Variants in KCNQ4 observed in about 807,000 individuals in gnomAD.
The protein encoded by KCNQ4 is potassium voltage-gated channel subfamily Q member 4, also known as potassium voltage-gated channel subfamily KQT member 4.
A neutral mutation model predicts 72.6 loss-of-function variants in KCNQ4; 31 were observed. That is an observed-to-expected ratio of 0.43 (90% CI 0.32 to 0.58). KCNQ4 has a LOEUF of 0.58. KCNQ4 is among the 20% of genes least tolerant of loss of function. KCNQ4 has a pLI of 0.08. For missense variants in KCNQ4, 869 were observed against 962.6 expected (o/e 0.90, Z 1.29); for synonymous variants, 405 against 403.7 (o/e 1.00, Z -0.04).
Position 40,822,338 on chromosome 1 carries a change from G to A in KCNQ4, c.1066G>A (p.Asp356Asn), listed in dbSNP as rs1347035442. 17 of 1,537,100 alleles carry A rather than the reference G, an allele frequency of 1.1e-5. No homozygotes were observed. Among genetic ancestry groups the A allele is most frequent in the Middle Eastern group, 1.8e-4 (1 of 5,710 alleles). The part of the protein sequence containing the change: ...IQAAWRLYST[D>N]MSRAYLTATW... Reference sequence around the variant, plus strand: ...GGCTGCCTGGCGCCTGTACTCCACCGATATGAGCCGGGCCTACCTGACAGC... The same window carrying A: ...GGCTGCCTGGCGCCTGTACTCCACCAATATGAGCCGGGCCTACCTGACAGC... Residue 356 changes from aspartate to asparagine, a missense_variant, in exon 8 of 14, where the codon GAT (aspartate) becomes AAT (asparagine). By Grantham distance (23) the Asp-to-Asn change is conservative (BLOSUM62 1). This residue lies in a region of KCNQ4 where 480 missense variants were observed against 501.9 expected (regional missense o/e 0.96). Coordinates refer to ENST00000347132, the MANE Select transcript of KCNQ4 (RefSeq NM_004700.4).
chr1:40,812,746 G>A (rs1373802711), intron 1 of KCNQ4, among the ~76,000 whole-genome samples: 1 of 152,226 alleles, frequency 6.6e-6, no homozygotes, highest in Non-Finnish European at 1.5e-5. Context: ...ACATGGGGCA[G>A]CCAGAGGAGT....
At chr1:40,795,255 CTTT>C (rs10632610) in intron 1 of KCNQ4, among the ~76,000 whole-genome samples, 2 of 128,496 alleles carry the variant, frequency 1.6e-5, no homozygotes, top group Admixed American at 8.4e-5. Flanking sequence ...GTGGTTTTAC[CTTT>C]TTTTTTTTTT....
intron 9 of KCNQ4, 49 bp from the exon 10 acceptor site, chr1:40,831,035 C>A: frequency 1.3e-6 from 2 of 1,512,928 alleles, no homozygotes; most frequent in Non-Finnish European, 1.8e-6. Flanking sequence ...TCACCCCCAC[C>A]CCCAGCTCTG....
At chr1:40,806,202 G>C (rs1647756456) in intron 1 of KCNQ4, among the ~76,000 whole-genome samples, 1 of 152,232 alleles carries the variant, frequency 6.6e-6, no homozygotes, top group South Asian at 2.1e-4. Context: ...TCTGCACGGA[G>C]CTGCTCAGTG....
intron 1 of KCNQ4, among the ~76,000 whole-genome samples, chr1:40,787,375 AAGAG>A (rs1160986082): frequency 6.6e-6 from 1 of 152,180 alleles, no homozygotes; most frequent in African/African-American, 2.4e-5. Context: ...TCAATTAAAA[AAGAG>A]AGAGAAAGAG....
chr1:40,787,436 C>T (rs947750813), intron 1 of KCNQ4, among the ~76,000 whole-genome samples: 2 of 152,136 alleles, frequency 1.3e-5, no homozygotes, highest in African/African-American at 4.8e-5. Context: ...CGCATTCGCC[C>T]TAGGGTATGC....
chr1:40,812,007 G>A (rs1473923666), intron 1 of KCNQ4, among the ~76,000 whole-genome samples: 2 of 152,166 alleles, frequency 1.3e-5, no homozygotes, highest in African/African-American at 2.4e-5. Context: ...TGAGACCCCA[G>A]CTAAGGGGCT....
intron 1 of KCNQ4, among the ~76,000 whole-genome samples, chr1:40,803,928 G>A (rs1049235143): frequency 6.6e-6 from 1 of 152,322 alleles, no homozygotes; most frequent in Admixed American, 6.5e-5. Flanking sequence ...CTTGGCACCT[G>A]AGCTCCCCAG....
intron 5 of KCNQ4, 100 bp downstream of exon 5, chr1:40,819,572 G>A (rs1173066810): frequency 1.3e-6 from 2 of 1,487,138 alleles, no homozygotes; most frequent in Admixed American, 1.7e-5. Flanking sequence ...GGTTGAGCGG[G>A]CCTGCCCCTG....
intron 7 of KCNQ4, among the ~76,000 whole-genome samples, chr1:40,820,952 G>A (rs116374096): frequency 0.01 from 1,528 of 152,260 alleles, 14 homozygotes; most frequent in Non-Finnish European, 0.014. Flanking sequence ...ATGCTTCAGG[G>A]AATACTGGCC....
At position 40,838,565 on chromosome 1, in the gene KCNQ4, G is replaced by A. The variant is rs376247055; in HGVS notation, c.*42G>A. On this transcript the variant is annotated 3_prime_UTR_variant, in exon 14 of 14. Coordinates refer to ENST00000347132, the MANE Select transcript of KCNQ4 (RefSeq NM_004700.4). ...AGGGCAGCACACGGCCAGCCCCGCG[G>A]CCTGGCGCTCCGACTGCCCTCTGAG... is the stretch of plus-strand genomic sequence containing the variant. The A allele has an allele frequency of 2.5e-6, 4 of 1,587,638 alleles. No individual in the cohort carries two copies. Among genetic ancestry groups the A allele is most frequent in the African/African-American group, 2.7e-5 (2 of 74,396 alleles).
Position 40,822,380 on chromosome 1 carries a change from G to T in KCNQ4, c.1108G>T (p.Asp370Tyr). Reference sequence around the variant, plus strand: ...CCTGACAGCCACCTGGTACTACTATGACAGTATCCTCCCATCCTTCAGGTA... The same window carrying T: ...CCTGACAGCCACCTGGTACTACTATTACAGTATCCTCCCATCCTTCAGGTA... ...AYLTATWYYYDSILPSFRELA... is the reference protein window; with the variant it reads ...AYLTATWYYYYSILPSFRELA... Residue 370 changes from aspartate (D) to tyrosine (Y), a missense_variant, in exon 8 of 14, where the codon GAC becomes TAC. Coordinates refer to ENST00000347132, the MANE Select transcript of KCNQ4 (RefSeq NM_004700.4). The T allele has an allele frequency of 7.4e-7, 1 of 1,352,096 alleles. No individual in the cohort carries two copies. The highest frequency in any genetic ancestry group is 9.9e-7 in the Non-Finnish European group (1 of 1,014,412). The allele number at this position is 1,352,096 out of a possible 1,614,324, so 83.8% of individuals were successfully genotyped here. A position where few individuals can be genotyped will look rare whatever the true frequency, so the allele number is the denominator to read the frequency against.
chr1:40,808,740 A>G lies in KCNQ4; in HGVS notation c.315-8525A>G, dbSNP rs540209293. On this transcript the variant is annotated intron_variant, in intron 1 of 13. Coordinates refer to ENST00000347132, the MANE Select transcript of KCNQ4 (RefSeq NM_004700.4). ...GCCTCCCATCTTCCTTGGGGACTTC[A>G]TTCCATTGACTACTCACTCTGTCTC... Among the ~76,000 whole-genome samples, 5 of 152,184 alleles carry G rather than the reference A, an allele frequency of 3.3e-5. No homozygotes were observed. The South Asian group carries it at 1.0e-3, about 32-fold the overall frequency.
chr1:40,797,588 G>A (rs1395817528), intron 1 of KCNQ4, among the ~76,000 whole-genome samples: 1 of 152,160 alleles, frequency 6.6e-6, no homozygotes, highest in Non-Finnish European at 1.5e-5. Context: ...TGGCAGATTC[G>A]TGTTTTAGAA....
intron 3 of KCNQ4, 81 bp from the exon 4 acceptor site, chr1:40,818,424 T>C: frequency 8.9e-7 from 1 of 1,126,482 alleles, no homozygotes; most frequent in East Asian, 3.1e-5. Flanking sequence ...CCCAGTCCCC[T>C]GCCACATCCC....
At position 40,838,346 on chromosome 1, in the gene KCNQ4, G is replaced by C. The variant is rs1335295382; in HGVS notation, c.1911G>C (p.Leu637Phe). ...QSIEHKLDLL[L>F]GFYSRCLRSG... ...TCGAGCACAAGCTGGACCTGCTGTT[G>C]GGCTTCTATTCGCGCTGCCTGCGCT... The change falls in exon 14 of 14, where the codon TTG becomes TTC. Residue 637 changes from leucine (L) to phenylalanine (F), a missense_variant. Physicochemically the swap from Leu to Phe is conservative, Grantham distance 22. Coordinates refer to ENST00000347132, the MANE Select transcript of KCNQ4 (RefSeq NM_004700.4). The C allele has an allele frequency of 3.7e-6, 6 of 1,613,890 alleles. No homozygotes were observed. The highest frequency in any genetic ancestry group is 5.1e-6 in the Non-Finnish European group (6 of 1,179,932).
chr1:40,829,487 A>AT (rs1648574269), intron 9 of KCNQ4, among the ~76,000 whole-genome samples: 1 of 151,982 alleles, frequency 6.6e-6, no homozygotes, highest in Non-Finnish European at 1.5e-5. Flanking sequence ...ACCCCTAAGG[A>AT]TGGCCCTACA....
At chr1:40,825,182 A>G (rs146376190) in intron 9 of KCNQ4, among the ~76,000 whole-genome samples, 1 of 152,152 alleles carries the variant, frequency 6.6e-6, no homozygotes, top group African/African-American at 2.4e-5. Flanking sequence ...GTTTTGTCTC[A>G]TCTTCACACA....
intron 1 of KCNQ4, among the ~76,000 whole-genome samples, chr1:40,796,547 TA>T (rs762463846): frequency 6.6e-5 from 10 of 152,150 alleles, no homozygotes; most frequent in Admixed American, 2.0e-4. Context: ...GCTGTGATCT[TA>T]CCCACCTAAC....
Sources: allele counts gnomAD v4.1 joint callset (sites outside exome capture counted in the v4.1 genomes callset), GRCh38; gene constraint gnomAD v4.1.1; regional missense constraint gnomAD v4.1.1; transcripts MANE v1.5; gene names NCBI Gene and HGNC (gene_info 2026-07-23, HGNC 2026-07-21).